PLCB1: variants seen among roughly 807,000 people sequenced by gnomAD.
The protein encoded by PLCB1 is 1-phosphatidylinositol 4,5-bisphosphate phosphodiesterase beta-1.
PLCB1 carries 46 observed loss-of-function variants against 161.8 expected under a neutral mutation model. The observed-to-expected ratio is 0.28, with a 90% CI of 0.22 to 0.36. The LOEUF is 0.36. Among genes scored for constraint, PLCB1 ranks in the 10% least tolerant of loss-of-function variants. PLCB1 has a pLI of 1.00. For synonymous variants in PLCB1, 517 were observed against 503.7 expected (o/e 1.03, Z -0.35); for missense variants, 1,016 against 1,472.5 (o/e 0.69, Z 5.07).
intron 11 of PLCB1, among the ~76,000 whole-genome samples, chr20:8,698,836 G>A (rs1250489667): frequency 6.6e-6 from 1 of 152,160 alleles, no homozygotes; most frequent in Admixed American, 6.5e-5. Flanking sequence ...TGATAAAGAT[G>A]CATCAGCCAT....
chr20:8,741,065 A>G (rs1169482969), intron 22 of PLCB1, among the ~76,000 whole-genome samples: 1 of 152,222 alleles, frequency 6.6e-6, no homozygotes, highest in Non-Finnish European at 1.5e-5. Context: ...ATGAAACGTC[A>G]TTTGGGCCAA....
At chr20:8,681,088 A>G (rs8122861) in intron 9 of PLCB1, among the ~76,000 whole-genome samples, 8,677 of 49,862 alleles carry the variant, frequency 0.17, 845 homozygotes, top group African/African-American at 0.42. Flanking sequence ...GTGTGTGTGT[A>G]TATATATATA....
At chr20:8,759,896 A>ATTTTTTTTTTTTTTTTTTTTTTT (rs3033840) in intron 24 of PLCB1, among the ~76,000 whole-genome samples, 1 of 78,260 alleles carries the variant, frequency 1.3e-5, no homozygotes, top group African/African-American at 5.1e-5. Context: ...ATAATATCAC[A>ATTTTTTTTTTTTTTTTTTTTTTT]TTTTTTTTTT....
chr20:8,736,132 A>G (rs1170293322), intron 19 of PLCB1, among the ~76,000 whole-genome samples: 1 of 152,124 alleles, frequency 6.6e-6, no homozygotes, highest in Non-Finnish European at 1.5e-5. Flanking sequence ...CATAACCCAG[A>G]TTCACCAGGT....
In PLCB1 at chr20:8,632,043, T is replaced by G. The variant is rs1024917301; in HGVS notation, c.384+3612T>G. 8.0e-5 allele frequency among the ~76,000 whole-genome samples: 6 copies of G among 75,102 alleles called. 1 individual carries two copies. Among genetic ancestry groups the G allele is most frequent in the South Asian group, 4.0e-4 (1 of 2,472 alleles). The allele number at this position is 75,102 out of a possible 152,430, so 49.3% of individuals were successfully genotyped here. A position where few individuals can be genotyped will look rare whatever the true frequency, so the allele number is the denominator to read the frequency against. ...AATATGGGTTTTTTTTGCTTTTTTTTTTTTTTTTTTTTTTTTTTTTTTTTG... is the reference window on the plus strand; with the variant it reads ...AATATGGGTTTTTTTTGCTTTTTTTGTTTTTTTTTTTTTTTTTTTTTTTTG... On this transcript the variant is annotated intron_variant, in intron 4 of 31. Coordinates refer to ENST00000338037, the MANE Select transcript of PLCB1 (RefSeq NM_015192.4).
chr20:8,452,001 G>T (rs1981095719), intron 3 of PLCB1, among the ~76,000 whole-genome samples: 1 of 152,126 alleles, frequency 6.6e-6, no homozygotes, highest in African/African-American at 2.4e-5. Context: ...CTGTAACCCA[G>T]TTAGGGAATT....
At chr20:8,509,775 T>TAGATAGATA (rs1555812833) in intron 3 of PLCB1, among the ~76,000 whole-genome samples, 17 of 135,008 alleles carry the variant, frequency 1.3e-4, no homozygotes, top group African/African-American at 4.7e-4. Context: ...GATAGATAGA[T>TAGATAGATA]AGATAGATAG....
intron 2 of PLCB1, among the ~76,000 whole-genome samples, chr20:8,273,877 T>C (rs1056934628): frequency 5.3e-5 from 8 of 152,208 alleles, no homozygotes; most frequent in African/African-American, 1.9e-4. Context: ...ATATAAAGTG[T>C]ACTTGGGAAA....
chr20:8,450,510 A>G (rs949296546), intron 3 of PLCB1, among the ~76,000 whole-genome samples: 1 of 152,142 alleles, frequency 6.6e-6, no homozygotes, highest in Non-Finnish European at 1.5e-5. Context: ...CACAATTCTC[A>G]CGTGAGATTT....
chr20:8,676,521 A>G (rs1034192906), intron 9 of PLCB1, among the ~76,000 whole-genome samples: 2 of 152,200 alleles, frequency 1.3e-5, no homozygotes, highest in Non-Finnish European at 2.9e-5. Flanking sequence ...TTCTTCTCCA[A>G]TCTTGCTCTA....
At chr20:8,558,866 GA>G (rs1218454789) in intron 3 of PLCB1, among the ~76,000 whole-genome samples, 1 of 151,750 alleles carries the variant, frequency 6.6e-6, no homozygotes, top group African/African-American at 2.4e-5. Context: ...GTAAATTTAA[GA>G]AAAAAGTAAA....
intron 4 of PLCB1, among the ~76,000 whole-genome samples, chr20:8,632,148 G>C (rs1354002664): frequency 6.9e-6 from 1 of 145,792 alleles, no homozygotes; most frequent in Non-Finnish European, 1.5e-5. Flanking sequence ...TTTTGAGAAG[G>C]AACTAAGTGG....
chr20:8,454,800 T>G (rs1981225966), intron 3 of PLCB1, among the ~76,000 whole-genome samples: 1 of 152,242 alleles, frequency 6.6e-6, no homozygotes. Flanking sequence ...ATGCCTTTCT[T>G]TTCTCTATAG....
chr20:8,387,686 CACAAT>C (rs1430642839), intron 3 of PLCB1, among the ~76,000 whole-genome samples: 1 of 152,130 alleles, frequency 6.6e-6, no homozygotes, highest in Non-Finnish European at 1.5e-5. Context: ...AAAAAACCCC[CACAAT>C]ATCTGCAAAG....
chr20:8,867,252 G>A (rs1987460146), intron 31 of PLCB1, among the ~76,000 whole-genome samples: 1 of 152,170 alleles, frequency 6.6e-6, no homozygotes, highest in East Asian at 1.9e-4. Context: ...AGGAGACTCT[G>A]ATCCAAGCTG....
chr20:8,206,696 G>T (rs953686928), intron 2 of PLCB1, among the ~76,000 whole-genome samples: 2 of 151,500 alleles, frequency 1.3e-5, no homozygotes, highest in East Asian at 3.9e-4. Flanking sequence ...TTGCTGTGCT[G>T]AATCATATAA....
Position 8,395,087 on chromosome 20 carries a change from T to C in PLCB1, c.246+23637T>C, listed in dbSNP as rs374175095. ...AGTCATTTTGTATCTGTGCATGAAT[T>C]ACATTTTCCTTGATTCTTATAGTAC... On this transcript the variant is annotated intron_variant, in intron 3 of 31. Coordinates refer to ENST00000338037, the MANE Select transcript of PLCB1 (RefSeq NM_015192.4). Among the ~76,000 whole-genome samples, 10 of 152,128 alleles carry C rather than the reference T, an allele frequency of 6.6e-5. No individual in the cohort carries two copies. The East Asian group carries it at 1.7e-3, about 26-fold the overall frequency.
At chr20:8,558,152 A>T (rs1986023619) in intron 3 of PLCB1, among the ~76,000 whole-genome samples, 1 of 151,950 alleles carries the variant, frequency 6.6e-6, no homozygotes, top group Non-Finnish European at 1.5e-5. Context: ...TACACATTTT[A>T]AAATAGCTAA....
At chr20:8,627,696 C>T (rs1045255010) in intron 3 of PLCB1, among the ~76,000 whole-genome samples, 1 of 152,226 alleles carries the variant, frequency 6.6e-6, no homozygotes, top group East Asian at 1.9e-4. Flanking sequence ...AAGAATGCAA[C>T]TTGCTCTAAA....
Sources: allele counts gnomAD v4.1 joint callset (sites outside exome capture counted in the v4.1 genomes callset), GRCh38; gene constraint gnomAD v4.1.1; transcripts MANE v1.5; gene names NCBI Gene and HGNC (gene_info 2026-07-23, HGNC 2026-07-21).